CSMD1: variants seen among roughly 807,000 people sequenced by gnomAD.
CSMD1 encodes the protein CUB and Sushi multiple domains 1, also known as CUB and sushi domain-containing protein 1.
A neutral mutation model predicts 417.5 loss-of-function variants in CSMD1; 213 were observed. That is an observed-to-expected ratio of 0.51 (90% CI 0.46 to 0.57). The LOEUF (loss-of-function observed/expected upper bound fraction) is 0.57, where lower values mean the gene tolerates loss of function less well. Among genes scored for constraint, CSMD1 ranks in the 20% least tolerant of loss-of-function variants. The pLI is 0.00. For missense variants in CSMD1, 6,923 were observed against 4,529.7 expected, an observed-to-expected ratio of 1.53 and a Z score of -15.17; for synonymous variants, 2,862 against 1,736.8, an observed-to-expected ratio of 1.65 and a Z score of -16.11.
At chr8:3,221,776 T>C (rs1244717718) in intron 28 of CSMD1, among the ~76,000 whole-genome samples, 1 of 151,974 alleles carries the variant, frequency 6.6e-6, no homozygotes, top group Non-Finnish European at 1.5e-5. Context: ...AGCCCCACAA[T>C]CCACAGGGAC....
chr8:3,868,870 ATCG>A (rs1805285878), intron 5 of CSMD1, among the ~76,000 whole-genome samples: 1 of 152,094 alleles, frequency 6.6e-6, no homozygotes, highest in Non-Finnish European at 1.5e-5. Flanking sequence ...GACTGTTACC[ATCG>A]TCTTCTAATT....
chr8:4,126,038 A>G (rs1802744901), intron 3 of CSMD1, among the ~76,000 whole-genome samples: 1 of 152,144 alleles, frequency 6.6e-6, no homozygotes, highest in African/African-American at 2.4e-5. Context: ...GATACCACCA[A>G]GACTTTTAAT....
intron 10 of CSMD1, among the ~76,000 whole-genome samples, chr8:3,520,376 AT>A (rs1156594343): frequency 6.6e-6 from 1 of 152,222 alleles, no homozygotes; most frequent in Admixed American, 6.5e-5. Context: ...ATCCTCAAAA[AT>A]AAACACTTCA....
chr8:3,253,024 C>T (rs555129981), intron 26 of CSMD1, among the ~76,000 whole-genome samples: 6 of 151,942 alleles, frequency 3.9e-5, no homozygotes, highest in African/African-American at 1.2e-4. Flanking sequence ...CTCCTGGATT[C>T]ATTGATTTTT....
At chr8:4,312,114 C>A (rs1000285416) in intron 3 of CSMD1, among the ~76,000 whole-genome samples, 2 of 151,892 alleles carry the variant, frequency 1.3e-5, no homozygotes, top group Non-Finnish European at 2.9e-5. Context: ...GTTATCAATA[C>A]CCCCCTTTTA....
chr8:4,297,917 G>C (rs1307534454), intron 3 of CSMD1, among the ~76,000 whole-genome samples: 4 of 152,120 alleles, frequency 2.6e-5, no homozygotes, highest in East Asian at 1.9e-4. Context: ...AATCAGAAAG[G>C]TTTTTATTAG....
At chr8:4,560,236 T>C (rs535881555) in intron 2 of CSMD1, among the ~76,000 whole-genome samples, 35 of 152,380 alleles carry the variant, frequency 2.3e-4, no homozygotes, top group Non-Finnish European at 2.8e-4. Flanking sequence ...TGTTTGCTCA[T>C]TTCCTGCCAA....
At chr8:3,024,521 G>A (rs572627069) in intron 51 of CSMD1, among the ~76,000 whole-genome samples, 3 of 152,224 alleles carry the variant, frequency 2.0e-5, no homozygotes, top group African/African-American at 7.2e-5. Flanking sequence ...TGGCCAGGTT[G>A]GACTCAAACT....
intron 41 of CSMD1, among the ~76,000 whole-genome samples, chr8:3,124,626 C>T (rs1364183158): frequency 6.6e-6 from 1 of 152,058 alleles, no homozygotes; most frequent in Non-Finnish European, 1.5e-5. Context: ...GTGTGTGCCC[C>T]TTTTCACACT....
At chr8:4,034,141 T>G (rs1293010091) in intron 3 of CSMD1, among the ~76,000 whole-genome samples, 1 of 152,236 alleles carries the variant, frequency 6.6e-6, no homozygotes, top group Non-Finnish European at 1.5e-5. Flanking sequence ...TATTAGTTTT[T>G]AAACTGAGTA....
chr8:3,966,467 T>A (rs1812683781), intron 5 of CSMD1, among the ~76,000 whole-genome samples: 1 of 152,166 alleles, frequency 6.6e-6, no homozygotes, highest in South Asian at 2.1e-4. Flanking sequence ...AGATATATGT[T>A]TCCATTTCTG....
chr8:4,098,130 A>G (rs1442699043), intron 3 of CSMD1, among the ~76,000 whole-genome samples: 1 of 152,216 alleles, frequency 6.6e-6, no homozygotes, highest in Non-Finnish European at 1.5e-5. Context: ...CACTCATCAG[A>G]TTTCATATAA....
intron 3 of CSMD1, among the ~76,000 whole-genome samples, chr8:4,295,742 GTGTGTGTGTATATATATA>G (rs1797641972): frequency 1.9e-4 from 2 of 10,470 alleles, no homozygotes; most frequent in African/African-American, 9.9e-4. Flanking sequence ...GTGTGTATAT[GTGTGTGTGTATATATATA>G]TATATATATA....
intron 1 of CSMD1, among the ~76,000 whole-genome samples, chr8:4,794,610 A>T (rs1244879177): frequency 1.3e-5 from 2 of 152,068 alleles, no homozygotes; most frequent in Non-Finnish European, 2.9e-5. Flanking sequence ...TCTGGGCTGC[A>T]AGGCTGATGT....
In CSMD1 at chr8:4,364,717, T is replaced by G. The variant is rs113351567; in HGVS notation, c.415+55236A>C. On this transcript the variant is annotated intron_variant, in intron 3 of 69. Coordinates refer to ENST00000635120, the MANE Select transcript of CSMD1 (RefSeq NM_033225.6). ...GCGGGCGCCTGTAGTCCCAGCTACT[T>G]GGGAGGCTGAGGCAGGAGAATGGCG... Among the ~76,000 whole-genome samples, 6 of 55,198 alleles carry G rather than the reference T, an allele frequency of 1.1e-4. 2 individuals are homozygous for G. Among genetic ancestry groups the G allele is most frequent in the Non-Finnish European group, 1.8e-4 (6 of 33,280 alleles). 36.2% of individuals were successfully genotyped at this position (55,198 alleles called of 152,430 possible). A position where few individuals can be genotyped will look rare whatever the true frequency, so the allele number is the denominator to read the frequency against.
rs73658883 is a variant in CSMD1, at chr8:4,427,778, G to A, written c.303-7713C>T. Among the ~76,000 whole-genome samples the A allele has an allele frequency of 2.1e-3, 325 of 152,174 alleles. 4 individuals carry two copies. Among genetic ancestry groups the A allele is most frequent in the African/African-American group, 7.6e-3 (317 of 41,526 alleles). ...TCTCTCAATAGAAACTTCAATTACAGATTTTTATCACAATGTATAACCCAT... is the reference window on the plus strand; with the variant it reads ...TCTCTCAATAGAAACTTCAATTACAAATTTTTATCACAATGTATAACCCAT... On this transcript the variant is annotated intron_variant, in intron 2 of 69. Coordinates refer to ENST00000635120, the MANE Select transcript of CSMD1 (RefSeq NM_033225.6).
intron 1 of CSMD1, among the ~76,000 whole-genome samples, chr8:4,860,167 A>G (rs1255931841): frequency 4.0e-5 from 6 of 150,138 alleles, no homozygotes; most frequent in African/African-American, 1.5e-4. Flanking sequence ...AAGAACAAAA[A>G]ACCAAACACC....
chr8:3,361,557 C>T (rs1809172293), intron 20 of CSMD1, among the ~76,000 whole-genome samples: 1 of 143,780 alleles, frequency 7.0e-6, no homozygotes, highest in Admixed American at 7.5e-5. Context: ...GAGGCCGAGG[C>T]AGAAGAATCG....
chr8:3,968,607 G>T (rs983003912), intron 5 of CSMD1, among the ~76,000 whole-genome samples: 3 of 152,150 alleles, frequency 2.0e-5, no homozygotes, highest in Non-Finnish European at 4.4e-5. Context: ...ATTCGCTAAG[G>T]AAGATGTCTT....
Sources: gnomAD v4.1 joint callset for allele counts (sites outside exome capture counted in the v4.1 genomes callset) on GRCh38, gnomAD v4.1.1 for gene constraint, MANE v1.5 for transcripts, NCBI Gene and HGNC (gene_info 2026-07-23, HGNC 2026-07-21) for gene names.